RYR3: variants seen among roughly 807,000 people sequenced by gnomAD.
The protein encoded by RYR3 is brain ryanodine receptor-calcium release channel.
RYR3 carries 207 observed loss-of-function variants against 584.3 expected under a neutral mutation model. That is an observed-to-expected ratio of 0.35 (90% CI 0.32 to 0.40). RYR3 has a LOEUF of 0.40. RYR3 is among the 10% of genes least tolerant of loss of function. RYR3 has a pLI of 1.00. For missense variants in RYR3, 5,616 were observed against 6,089.2 expected (o/e 0.92, Z 2.59); for synonymous variants, 2,416 against 2,248.5 (o/e 1.07, Z -2.11).
intron 51 of RYR3, 47 bp from the exon 52 acceptor site, chr15:33,742,319 G>A (rs1243857170): frequency 1.7e-6 from 2 of 1,202,350 alleles, no homozygotes; most frequent in Admixed American, 3.4e-5. Flanking sequence ...TACTATGTCT[G>A]GCTGAAGTGC....
intron 1 of RYR3, among the ~76,000 whole-genome samples, chr15:33,462,046 C>G (rs565074175): frequency 6.6e-6 from 1 of 152,274 alleles, no homozygotes; most frequent in Non-Finnish European, 1.5e-5. Context: ...AGAAACTAGT[C>G]CTGGACAGGA....
chr15:33,413,247 T>G (rs1474076166), intron 1 of RYR3, among the ~76,000 whole-genome samples: 1 of 152,246 alleles, frequency 6.6e-6, no homozygotes, highest in African/African-American at 2.4e-5. Flanking sequence ...TCTCACTGAC[T>G]TGGATCCTCA....
rs914493683 is a variant in RYR3, at chr15:33,829,887, C to T, written c.11335-1076C>T. Among the ~76,000 whole-genome samples the T allele has an allele frequency of 8.5e-5, 13 of 152,124 alleles. No individual in the cohort carries two copies. The South Asian group carries it at 1.0e-3, about 12-fold the overall frequency. On this transcript the variant is annotated intron_variant, in intron 85 of 103. Coordinates refer to ENST00000634891, the MANE Select transcript of RYR3 (RefSeq NM_001036.6). ...CTTCAGTGGAGGAAATAAATGCAGA[C>T]GTGTTGGAAATAGCAAGAGAACTAG...
chr15:33,656,199 A>G (rs2062814571), intron 32 of RYR3, among the ~76,000 whole-genome samples: 1 of 152,240 alleles, frequency 6.6e-6, no homozygotes, highest in African/African-American at 2.4e-5. Flanking sequence ...TAGAAAAAGA[A>G]TGTCCATTAT....
chr15:33,606,627 G>C (rs921218707), intron 18 of RYR3, among the ~76,000 whole-genome samples: 4 of 152,202 alleles, frequency 2.6e-5, no homozygotes, highest in Admixed American at 2.6e-4. Flanking sequence ...CAGAGTCCAG[G>C]GTCAACTCAG....
At chr15:33,553,099 G>A (rs1018663659) in intron 10 of RYR3, among the ~76,000 whole-genome samples, 5 of 152,128 alleles carry the variant, frequency 3.3e-5, no homozygotes, top group African/African-American at 1.2e-4. Flanking sequence ...GAAGGCTGAG[G>A]GAGTGGTGGA....
intron 35 of RYR3, 101 bp downstream of exon 35, chr15:33,663,049 G>A (rs1233314935): frequency 1.0e-5 from 11 of 1,082,496 alleles, no homozygotes; most frequent in Non-Finnish European, 1.5e-5. Context: ...GGTATGTCAA[G>A]TGCTTGGCAT....
intron 1 of RYR3, among the ~76,000 whole-genome samples, chr15:33,354,860 A>T (rs924172665): frequency 2.6e-5 from 4 of 152,172 alleles, no homozygotes; most frequent in Non-Finnish European, 4.4e-5. Flanking sequence ...GGCAGCATTC[A>T]TCATGAATTA....
Position 33,660,302 on chromosome 15 carries a change from A to G in RYR3, c.4501A>G (p.Ser1501Gly). The G allele has an allele frequency of 6.3e-7, 1 of 1,575,420 alleles. No homozygotes were observed. The highest frequency in any genetic ancestry group is 8.6e-7 in the Non-Finnish European group (1 of 1,160,616). Residue 1501 changes from serine to glycine, a missense_variant, in exon 34 of 104, where the codon AGC becomes GGC. Coordinates refer to ENST00000634891, the MANE Select transcript of RYR3 (RefSeq NM_001036.6). ...CCAAACCATCCAGCCCGTGCTCTGG[A>G]GCCGCATGCCCAACAGCTTCCTGAA... ...DVQTIQPVLW[S>G]RMPNSFLKVE...
At position 33,464,489 on chromosome 15, in the gene RYR3, T is replaced by TATATATATATATATATACACACAC. The variant is rs1450450145; in HGVS notation, c.52-8929_52-8928insTATATATATATATATACACACACA. Reference sequence around the variant, plus strand: ...ATATATATATATATATATATATATATACACATATATATATACATACACATA... The same window carrying TATATATATATATATATACACACAC: ...ATATATATATATATATATATATATATATATATATATATATATACACACACACACATATATATATACATACACATA... On this transcript the variant is annotated intron_variant, in intron 1 of 103. Coordinates refer to ENST00000634891, the MANE Select transcript of RYR3 (RefSeq NM_001036.6). 5.1e-3 allele frequency among the ~76,000 whole-genome samples: 341 copies of TATATATATATATATATACACACAC among 67,356 alleles called. 4 individuals are homozygous for TATATATATATATATATACACACAC. Among genetic ancestry groups the TATATATATATATATATACACACAC allele is most frequent in the African/African-American group, 0.027 (326 of 11,918 alleles). 44.2% of individuals were successfully genotyped at this position (67,356 alleles called of 152,430 possible).
At chr15:33,750,428 C>T in intron 57 of RYR3, 142 bp downstream of exon 57, 2 of 806,490 alleles carry the variant, frequency 2.5e-6, no homozygotes, top group Non-Finnish European at 3.7e-6. Context: ...AACATGAAGC[C>T]CTCTTTTTTT....
At chr15:33,543,359 T>C (rs529026297) in intron 7 of RYR3, among the ~76,000 whole-genome samples, 17 of 152,286 alleles carry the variant, frequency 1.1e-4, no homozygotes, top group Admixed American at 7.9e-4. Flanking sequence ...ATGATATCAA[T>C]TGGCACACTA....
At chr15:33,814,900 C>CA (rs66623531) in intron 74 of RYR3, among the ~76,000 whole-genome samples, 33,452 of 91,714 alleles carry the variant, frequency 0.36, 6,558 homozygotes, top group South Asian at 0.45. Flanking sequence ...GACTCTGTCT[C>CA]AAAAAAAAAA....
At chr15:33,401,062 C>T (rs2042630642) in intron 1 of RYR3, among the ~76,000 whole-genome samples, 1 of 152,088 alleles carries the variant, frequency 6.6e-6, no homozygotes, top group African/African-American at 2.4e-5. Context: ...GCATTAGCAG[C>T]CCAGGGCCAA....
chr15:33,417,118 T>C (rs2043870917), intron 1 of RYR3, among the ~76,000 whole-genome samples: 1 of 152,194 alleles, frequency 6.6e-6, no homozygotes, highest in South Asian at 2.1e-4. Flanking sequence ...TGAAGTCAGA[T>C]AATGTGATGT....
rs2074870299 is a variant in RYR3, at chr15:33,788,345, T to C, written c.9717T>C (p.Asp3239=). ...AGGAGGAGGAGCAGTTGAAAGCCGA[T>C]GGCAAAGGGGACACCCAGGAGGCAG... The part of the protein sequence containing the change: ...TVQEEEQLKA[D]GKGDTQEAEL... Residue 3239 remains aspartate, a synonymous_variant, in exon 67 of 104, where the codon GAT becomes GAC. Coordinates refer to ENST00000634891, the MANE Select transcript of RYR3 (RefSeq NM_001036.6). 1.2e-6 allele frequency: 2 copies of C among 1,613,896 alleles called. No homozygotes were observed. Among genetic ancestry groups the C allele is most frequent in the Non-Finnish European group, 1.7e-6 (2 of 1,179,874 alleles).
chr15:33,653,795 A>G (rs1196823730), intron 32 of RYR3, among the ~76,000 whole-genome samples: 1 of 152,180 alleles, frequency 6.6e-6, no homozygotes, highest in African/African-American at 2.4e-5. Context: ...ATTAACCACA[A>G]GCAGCCTGAT....
chr15:33,757,570 C>T lies in RYR3; in HGVS notation c.8679C>T (p.Ser2893=). ...LKPLSSSGYA[S]HKEKEMVAGL... is the part of the protein sequence containing the mutation. ...CCCTTAGCAGCAGCGGATATGCCTC[C>T]CATAAGGAGAAAGAAATGGTGGCCG... The change falls in exon 60 of 104, where the codon TCC becomes TCT. Residue 2893 remains serine (S), a synonymous_variant. Coordinates refer to ENST00000634891, the MANE Select transcript of RYR3 (RefSeq NM_001036.6). 2 of 1,611,090 alleles carry T rather than the reference C, an allele frequency of 1.2e-6. No homozygotes were observed. The highest frequency in any genetic ancestry group is 2.2e-5 in the South Asian group (2 of 89,918).
chr15:33,765,754 T>C (rs1268163439), intron 60 of RYR3, among the ~76,000 whole-genome samples: 2 of 152,004 alleles, frequency 1.3e-5, no homozygotes, highest in Non-Finnish European at 2.9e-5. Flanking sequence ...TTGGGGAGGA[T>C]ATTCAACTTT....
Sources: gnomAD v4.1 joint callset for allele counts (sites outside exome capture counted in the v4.1 genomes callset) on GRCh38, gnomAD v4.1.1 for gene constraint, MANE v1.5 for transcripts, NCBI Gene and HGNC (gene_info 2026-07-23, HGNC 2026-07-21) for gene names.